ANGPT1: variants seen among roughly 807,000 people sequenced by gnomAD.
ANGPT1 encodes angiopoietin 1, also known as angiopoietin-1.
Under a neutral mutation model 62.2 loss-of-function variants are expected in ANGPT1, and 17 were observed. That is an observed-to-expected ratio of 0.27 (90% CI 0.19 to 0.41). The LOEUF (loss-of-function observed/expected upper bound fraction) is 0.41, where lower values mean the gene tolerates loss of function less well. Among genes scored for constraint, ANGPT1 ranks in the 10% least tolerant of loss-of-function variants. The pLI, the probability that ANGPT1 is intolerant of heterozygous loss-of-function variation, is 1.00. For missense variants in ANGPT1, 478 were observed against 594.9 expected, an observed-to-expected ratio of 0.80 and a Z score of 2.04; for synonymous variants, 199 against 198.9, an observed-to-expected ratio of 1.00 and a Z score of 0.00.
chr8:107,497,152 C>T (rs747828587), intron 1 of ANGPT1, 110 bp downstream of exon 1: 15 of 1,287,262 alleles, frequency 1.2e-5, no homozygotes, highest in South Asian at 1.5e-5. Context: ...ACACTGCCCC[C>T]CTGGAGCAAA....
intron 1 of ANGPT1, among the ~76,000 whole-genome samples, chr8:107,431,968 A>G (rs997822756): frequency 1.3e-5 from 2 of 152,160 alleles, no homozygotes; most frequent in Non-Finnish European, 2.9e-5. Context: ...TATTTGATAC[A>G]TATTTCAGCA....
At chr8:107,324,197 A>ATATG (rs1554582611) in intron 3 of ANGPT1, among the ~76,000 whole-genome samples, 5 of 122,034 alleles carry the variant, frequency 4.1e-5, no homozygotes, top group South Asian at 5.0e-4. Flanking sequence ...GTATATATGT[A>ATATG]TATATATGTA....
chr8:107,400,892 A>G (rs373640544), intron 1 of ANGPT1, among the ~76,000 whole-genome samples: 242 of 152,182 alleles, frequency 1.6e-3, no homozygotes, highest in African/African-American at 5.2e-3. Context: ...TGAAATGTAA[A>G]GATTTACACT....
chr8:107,389,595 G>C (rs1586281779), intron 1 of ANGPT1, among the ~76,000 whole-genome samples: 1 of 152,078 alleles, frequency 6.6e-6, no homozygotes, highest in Admixed American at 6.6e-5. Flanking sequence ...GAATTGGCTT[G>C]ATTTTCCTGA....
rs553949215 is a variant in ANGPT1, at chr8:107,371,328, T to C, written c.298-24231A>G. On this transcript the variant is annotated intron_variant, in intron 1 of 8. Coordinates refer to ENST00000517746, the MANE Select transcript of ANGPT1 (RefSeq NM_001146.5). ...TAATCCCAAGCAGCCAATAAAATAATTTGTCAGTCAATCTGTGAATTTGTC... is the reference window on the plus strand; with the variant it reads ...TAATCCCAAGCAGCCAATAAAATAACTTGTCAGTCAATCTGTGAATTTGTC... 2.6e-5 allele frequency among the ~76,000 whole-genome samples: 4 copies of C among 152,290 alleles called. No individual in the cohort carries two copies. The South Asian group carries it at 8.3e-4, about 32-fold the overall frequency.
At chr8:107,319,410 G>A (rs375654695) in intron 4 of ANGPT1, among the ~76,000 whole-genome samples, 2 of 152,054 alleles carry the variant, frequency 1.3e-5, no homozygotes, top group South Asian at 2.1e-4. Flanking sequence ...GACACAGCTC[G>A]TGTTTTTTAA....
chr8:107,434,289 T>A (rs1248813929), intron 1 of ANGPT1, among the ~76,000 whole-genome samples: 1 of 151,822 alleles, frequency 6.6e-6, no homozygotes, highest in African/African-American at 2.4e-5. Context: ...GGCGGGAAAG[T>A]GGGAGTGGCA....
intron 1 of ANGPT1, among the ~76,000 whole-genome samples, chr8:107,364,183 T>C (rs933055523): frequency 6.6e-6 from 1 of 152,182 alleles, no homozygotes; most frequent in African/African-American, 2.4e-5. Flanking sequence ...ATTTTTTATA[T>C]AGCAAGCAAG....
intron 4 of ANGPT1, among the ~76,000 whole-genome samples, chr8:107,313,738 TG>T (rs71562139): frequency 6.6e-6 from 1 of 151,850 alleles, no homozygotes; most frequent in East Asian, 1.9e-4. Flanking sequence ...CCACCACGAC[TG>T]GCCAAAATGT....
intron 1 of ANGPT1, among the ~76,000 whole-genome samples, chr8:107,371,390 G>A (rs776671683): frequency 9.9e-5 from 15 of 152,032 alleles, no homozygotes; most frequent in Non-Finnish European, 1.9e-4. Context: ...CCAGTCCTCA[G>A]CTATTTTGAA....
intron 1 of ANGPT1, among the ~76,000 whole-genome samples, chr8:107,355,959 C>A (rs1816036419): frequency 6.6e-6 from 1 of 152,154 alleles, no homozygotes; most frequent in Non-Finnish European, 1.5e-5. Context: ...CTGCCTGGCA[C>A]ATAGTGGGGT....
At chr8:107,370,396 GAAAGAAAGAA>G (rs1563591154) in intron 1 of ANGPT1, among the ~76,000 whole-genome samples, 2 of 62,208 alleles carry the variant, frequency 3.2e-5, no homozygotes, top group African/African-American at 8.1e-5. Flanking sequence ...AAGAAAGAAA[GAAAGAAAGAA>G]AGAGTCAGGG....
intron 1 of ANGPT1, among the ~76,000 whole-genome samples, chr8:107,467,683 T>G (rs912807380): frequency 6.6e-6 from 1 of 152,038 alleles, no homozygotes; most frequent in African/African-American, 2.4e-5. Flanking sequence ...TGAGCTTAGC[T>G]CTACGGTTTA....
intron 3 of ANGPT1, among the ~76,000 whole-genome samples, 155 bp downstream of exon 3, chr8:107,335,995 C>T (rs1044173655): frequency 6.6e-6 from 1 of 152,102 alleles, no homozygotes; most frequent in Admixed American, 6.5e-5. Flanking sequence ...GCTGAATTTA[C>T]CTTAAGCTCT....
chr8:107,336,066 C>A, intron 3 of ANGPT1, 84 bp downstream of exon 3: 1 of 1,342,714 alleles, frequency 7.4e-7, no homozygotes, highest in Non-Finnish European at 9.7e-7. Flanking sequence ...ACCACCTCAA[C>A]CTTATTTGTT....
intron 7 of ANGPT1, 40 bp downstream of exon 7, chr8:107,284,642 G>A: frequency 7.2e-7 from 1 of 1,384,216 alleles, no homozygotes; most frequent in Non-Finnish European, 9.5e-7. Context: ...TAAGTGGCTA[G>A]GTAAAAGGTA....
chr8:107,295,883 T>C (rs558504848), intron 5 of ANGPT1, among the ~76,000 whole-genome samples: 22 of 152,136 alleles, frequency 1.4e-4, no homozygotes, highest in Admixed American at 6.6e-5. Context: ...ACACCTTACA[T>C]GCATTTTCTA....
intron 1 of ANGPT1, among the ~76,000 whole-genome samples, chr8:107,423,605 A>C (rs1406864996): frequency 6.6e-6 from 1 of 152,088 alleles, no homozygotes; most frequent in East Asian, 1.9e-4. Flanking sequence ...ACTCCCTGCC[A>C]CTAAAACTGT....
intron 1 of ANGPT1, among the ~76,000 whole-genome samples, chr8:107,405,346 T>C (rs1333708874): frequency 6.6e-6 from 1 of 151,928 alleles, no homozygotes; most frequent in African/African-American, 2.4e-5. Context: ...AAATGTACTA[T>C]ATTATGTTTT....
Sources: allele counts gnomAD v4.1 joint callset (sites outside exome capture counted in the v4.1 genomes callset), GRCh38; gene constraint gnomAD v4.1.1; transcripts MANE v1.5; gene names NCBI Gene and HGNC (gene_info 2026-07-23, HGNC 2026-07-21).